Variants in EPHB2 observed in about 807,000 individuals in gnomAD.
The protein encoded by EPHB2 is EPH receptor B2.
EPHB2 carries 18 observed loss-of-function variants against 96.4 expected under a neutral mutation model. That is an observed-to-expected ratio of 0.19 (90% confidence interval 0.13 to 0.28). The LOEUF (loss-of-function observed/expected upper bound fraction) is 0.28, where lower values mean the gene tolerates loss of function less well. Among genes scored for constraint, EPHB2 ranks in the 10% least tolerant of loss-of-function variants. EPHB2 has a pLI of 1.00. For synonymous variants in EPHB2, 506 were observed against 534.1 expected (o/e 0.95, Z 0.72); for missense variants, 989 against 1,355.4 (o/e 0.73, Z 4.25).
chr1:22,766,450 CCT>C (rs1337470490), intron 1 of EPHB2, among the ~76,000 whole-genome samples: 1 of 152,206 alleles, frequency 6.6e-6, no homozygotes, highest in Admixed American at 6.5e-5. Context: ...GTCGTGTTGG[CCT>C]CTAGGGGAAT....
At chr1:22,723,981 T>A (rs1272848321) in intron 1 of EPHB2, among the ~76,000 whole-genome samples, 1 of 152,204 alleles carries the variant, frequency 6.6e-6, no homozygotes, top group Non-Finnish European at 1.5e-5. Flanking sequence ...AATTAAGGCT[T>A]AGAGAAGGCA....
At chr1:22,863,237 G>C (rs765729152) in intron 4 of EPHB2, 45 bp downstream of exon 4, 1 of 1,613,414 alleles carries the variant, frequency 6.2e-7, no homozygotes, top group Admixed American at 1.7e-5. Flanking sequence ...CCGAGTCCCA[G>C]GTCTACCTGC....
intron 3 of EPHB2, among the ~76,000 whole-genome samples, chr1:22,841,576 T>G (rs986108867): frequency 4.6e-5 from 7 of 152,048 alleles, no homozygotes; most frequent in Non-Finnish European, 8.8e-5. Flanking sequence ...CTCGAGGCTG[T>G]GGGGGTGGAA....
chr1:22,831,645 G>A (rs1286029850), intron 3 of EPHB2, among the ~76,000 whole-genome samples: 1 of 152,064 alleles, frequency 6.6e-6, no homozygotes. Flanking sequence ...TTAACACCAT[G>A]CCACACTGTG....
At chr1:22,881,664 G>A (rs966326416) in intron 5 of EPHB2, among the ~76,000 whole-genome samples, 2 of 152,170 alleles carry the variant, frequency 1.3e-5, no homozygotes, top group African/African-American at 4.8e-5. Flanking sequence ...GCATGATCTC[G>A]GCTCACAGAA....
At chr1:22,787,075 G>A (rs1370701972) in intron 3 of EPHB2, among the ~76,000 whole-genome samples, 4 of 152,216 alleles carry the variant, frequency 2.6e-5, no homozygotes, top group African/African-American at 9.6e-5. Context: ...TTGAGCATCA[G>A]GCAGTACAGA....
chr1:22,769,921 G>A (rs149118877), intron 1 of EPHB2, among the ~76,000 whole-genome samples: 165 of 152,306 alleles, frequency 1.1e-3, no homozygotes, highest in African/African-American at 3.9e-3. Context: ...AACCGAAGTG[G>A]GATGCTGGGC....
At chr1:22,739,767 G>A (rs1165370903) in intron 1 of EPHB2, among the ~76,000 whole-genome samples, 1 of 152,132 alleles carries the variant, frequency 6.6e-6, no homozygotes, top group African/African-American at 2.4e-5. Flanking sequence ...CTGAGCCTGC[G>A]CAGCAGCCCA....
In EPHB2 at chr1:22,889,314, G is replaced by A. The variant is rs148439345; in HGVS notation, c.1429-3570G>A. Among the ~76,000 whole-genome samples, 165 of 152,316 alleles carry A rather than the reference G, an allele frequency of 1.1e-3. 1 individual carries two copies. Among genetic ancestry groups the A allele is most frequent in the African/African-American group, 3.8e-3 (160 of 41,572 alleles). Reference sequence around the variant, plus strand: ...TCTCATCTCCCTCACATAATCAGGGGCTTAAAACCTCCAACATCTCTAAGT... The same window carrying A: ...TCTCATCTCCCTCACATAATCAGGGACTTAAAACCTCCAACATCTCTAAGT... On this transcript the variant is annotated intron_variant, in intron 6 of 15. Coordinates refer to ENST00000374630, the MANE Select transcript of EPHB2 (RefSeq NM_017449.5).
intron 3 of EPHB2, among the ~76,000 whole-genome samples, chr1:22,825,953 G>A (rs927365324): frequency 6.6e-5 from 10 of 152,214 alleles, no homozygotes; most frequent in Admixed American, 2.6e-4. Context: ...TTGTCCCAGA[G>A]TGGCTGGGAG....
intron 1 of EPHB2, among the ~76,000 whole-genome samples, chr1:22,720,940 G>A (rs1409653191): frequency 1.3e-5 from 2 of 152,128 alleles, no homozygotes; most frequent in Non-Finnish European, 2.9e-5. Flanking sequence ...TGCTCCTGTG[G>A]CCTGGGGCAG....
intron 5 of EPHB2, among the ~76,000 whole-genome samples, chr1:22,879,662 A>G (rs1252084923): frequency 6.6e-6 from 1 of 152,206 alleles, no homozygotes; most frequent in Admixed American, 6.5e-5. Context: ...TCTTCTGCAA[A>G]GTGCAGATAT....
rs543596023 is a variant in EPHB2, at chr1:22,806,476, TGGAC to T, written c.811+21428_811+21431del. ...CTGAGTCAATGAGTGGATGGATGGA[TGGAC>T]GGACGGACGGACGGACGGACGGACG... On this transcript the variant is annotated intron_variant, in intron 3 of 15. Coordinates refer to ENST00000374630, the MANE Select transcript of EPHB2 (RefSeq NM_017449.5). Among the ~76,000 whole-genome samples, 706 of 144,420 alleles carry T rather than the reference TGGAC, an allele frequency of 4.9e-3. 10 individuals carry two copies. The highest frequency in any genetic ancestry group is 0.017 in the African/African-American group (660 of 39,350). The allele number at this position is 144,420 out of a possible 152,430, so 94.7% of individuals were successfully genotyped here.
chr1:22,766,061 G>A (rs1644304168), intron 1 of EPHB2, among the ~76,000 whole-genome samples: 1 of 152,190 alleles, frequency 6.6e-6, no homozygotes, highest in Admixed American at 6.5e-5. Flanking sequence ...TAGCCAGTGG[G>A]AAATGGGACA....
intron 3 of EPHB2, among the ~76,000 whole-genome samples, chr1:22,842,976 T>C (rs1253696049): frequency 6.6e-6 from 1 of 152,158 alleles, no homozygotes; most frequent in Non-Finnish European, 1.5e-5. Flanking sequence ...ATCTAATACC[T>C]GTTTATTTTT....
intron 1 of EPHB2, among the ~76,000 whole-genome samples, chr1:22,765,270 G>T (rs1000378005): frequency 6.6e-6 from 1 of 152,080 alleles, no homozygotes; most frequent in Non-Finnish European, 1.5e-5. Flanking sequence ...AGTCTAGCCG[G>T]GTGCAGTGGT....
chr1:22,887,284 G>A (rs1431310153), intron 6 of EPHB2, among the ~76,000 whole-genome samples: 1 of 152,162 alleles, frequency 6.6e-6, no homozygotes, highest in Non-Finnish European at 1.5e-5. Flanking sequence ...ACCAGGAAGG[G>A]ACAGCTAGGC....
chr1:22,764,669 C>G (rs1644281950), intron 1 of EPHB2, among the ~76,000 whole-genome samples: 2 of 151,808 alleles, frequency 1.3e-5, no homozygotes, highest in African/African-American at 4.8e-5. Flanking sequence ...TCTCTTGAAC[C>G]AGGGAGGCGG....
intron 3 of EPHB2, among the ~76,000 whole-genome samples, chr1:22,853,533 C>G (rs1422909889): frequency 1.3e-5 from 2 of 152,242 alleles, no homozygotes; most frequent in East Asian, 3.9e-4. Flanking sequence ...CCCCCAGACC[C>G]AGCCCTGGCA....
Sources: allele counts gnomAD v4.1 joint callset (sites outside exome capture counted in the v4.1 genomes callset), GRCh38; gene constraint gnomAD v4.1.1; transcripts MANE v1.5; gene names NCBI Gene and HGNC (gene_info 2026-07-23, HGNC 2026-07-21).